Variants in CDH4 observed in about 807,000 individuals in gnomAD.
CDH4 encodes cadherin 4.
A neutral mutation model predicts 86.0 loss-of-function variants in CDH4; 33 were observed. That is an observed-to-expected ratio of 0.38 (90% CI 0.29 to 0.51). The LOEUF (loss-of-function observed/expected upper bound fraction) is 0.51, where lower values mean the gene tolerates loss of function less well. Among genes scored for constraint, CDH4 ranks in the 20% least tolerant of loss-of-function variants. CDH4 has a pLI of 0.86. For missense variants in CDH4, 1,114 were observed against 1,307.4 expected (o/e 0.85, Z 2.28); for synonymous variants, 555 against 549.4 (o/e 1.01, Z -0.14).
intron 2 of CDH4, among the ~76,000 whole-genome samples, chr20:61,353,385 G>T (rs2123304454): frequency 6.6e-6 from 1 of 152,176 alleles, no homozygotes; most frequent in South Asian, 2.1e-4. Context: ...CCAGCGATGT[G>T]CCAAGCCTTC....
chr20:61,690,673 A>C (rs1431149195), intron 2 of CDH4, among the ~76,000 whole-genome samples: 2 of 152,012 alleles, frequency 1.3e-5, no homozygotes. Flanking sequence ...ACCTGGCAGA[A>C]TGAGAGGAGG....
intron 2 of CDH4, among the ~76,000 whole-genome samples, chr20:61,682,421 A>AGGAT (rs1332030981): frequency 8.6e-6 from 1 of 116,312 alleles, no homozygotes; most frequent in African/African-American, 3.3e-5. Context: ...GACAGATGGA[A>AGGAT]GGATGGATGG....
chr20:61,773,325 T>C (rs2088800506), intron 4 of CDH4, 143 bp downstream of exon 4: 6 of 793,302 alleles, frequency 7.6e-6, no homozygotes, highest in African/African-American at 3.5e-5. Context: ...GAGATAAGCC[T>C]TACACAGCGC....
intron 7 of CDH4, among the ~76,000 whole-genome samples, chr20:61,875,974 T>C (rs547510144): frequency 6.6e-6 from 1 of 152,262 alleles, no homozygotes; most frequent in South Asian, 2.1e-4. Context: ...GCAGCTCGTT[T>C]CCACAGGCTG....
intron 3 of CDH4, among the ~76,000 whole-genome samples, chr20:61,752,548 G>A (rs1472534306): frequency 6.6e-6 from 1 of 152,082 alleles, no homozygotes; most frequent in Non-Finnish European, 1.5e-5. Flanking sequence ...AGTATAGGCA[G>A]GTAATACCAA....
intron 2 of CDH4, among the ~76,000 whole-genome samples, chr20:61,276,309 A>G (rs1568778163): frequency 6.6e-6 from 1 of 152,200 alleles, no homozygotes; most frequent in Non-Finnish European, 1.5e-5. Flanking sequence ...GCACTTTCAA[A>G]CTCAACATAT....
rs144940669 is a variant in CDH4, at chr20:61,355,209, G to A, written c.169+100272G>A. ...CTGAACAAACCTGCCCTGGAGAATTGAAGTCCTTGAAAAAAGCTCTGAGTC... is the reference window on the plus strand; with the variant it reads ...CTGAACAAACCTGCCCTGGAGAATTAAAGTCCTTGAAAAAAGCTCTGAGTC... On this transcript the variant is annotated intron_variant, in intron 2 of 15. Transcript: ENST00000614565. 7.6e-3 allele frequency among the ~76,000 whole-genome samples: 1,162 copies of A among 152,282 alleles called. 21 individuals are homozygous for A. Among genetic ancestry groups the A allele is most frequent in the South Asian group, 0.057 (275 of 4,820 alleles).
intron 2 of CDH4, among the ~76,000 whole-genome samples, chr20:61,492,196 T>G (rs556312365): frequency 1.4e-4 from 21 of 151,802 alleles, no homozygotes; most frequent in African/African-American, 4.1e-4. Context: ...GGTGTTGATA[T>G]TGTTGATATT....
chr20:61,796,595 T>C (rs1413243152), intron 4 of CDH4, among the ~76,000 whole-genome samples: 3 of 152,170 alleles, frequency 2.0e-5, no homozygotes, highest in Non-Finnish European at 4.4e-5. Context: ...ACCAAAGGAT[T>C]TGATTATTTC....
At chr20:61,325,348 T>C (rs1017068752) in intron 2 of CDH4, among the ~76,000 whole-genome samples, 11 of 152,230 alleles carry the variant, frequency 7.2e-5, no homozygotes, top group Admixed American at 2.6e-4. Context: ...AAGGTATCTT[T>C]CTCTTTCTGG....
chr20:61,766,994 A>G (rs1434579276), intron 3 of CDH4, among the ~76,000 whole-genome samples: 7 of 152,232 alleles, frequency 4.6e-5, no homozygotes, highest in Admixed American at 1.3e-4. Context: ...ATGGTGGGCC[A>G]CAGGTCAGAC....
chr20:61,397,156 C>T (rs944977170), intron 2 of CDH4, among the ~76,000 whole-genome samples: 2 of 152,144 alleles, frequency 1.3e-5, no homozygotes, highest in Non-Finnish European at 2.9e-5. Context: ...GCAATCCACC[C>T]GCTTCAGCCT....
In CDH4 at chr20:61,850,956, C is replaced by G. The variant is rs2146110667; in HGVS notation, c.733-1798C>G. 2.0e-5 allele frequency among the ~76,000 whole-genome samples: 3 copies of G among 152,352 alleles called. No individual in the cohort carries two copies. In the South Asian group the frequency reaches 6.2e-4, roughly 32 times the overall value. On this transcript the variant is annotated intron_variant, in intron 5 of 15. Coordinates refer to ENST00000614565, the MANE Select transcript of CDH4 (RefSeq NM_001794.5). ...GCTGCTCCCGCTGCTACAGATAGCG[C>G]CTGAAACTGCTTTAGTTAGGAGATA...
chr20:61,353,671 C>A (rs2084728255), intron 2 of CDH4, among the ~76,000 whole-genome samples: 1 of 61,240 alleles, frequency 1.6e-5, no homozygotes, highest in Non-Finnish European at 3.5e-5. Flanking sequence ...CCTCCTCTTC[C>A]CCCTCCTCCT....
chr20:61,289,395 C>T (rs2084310154), intron 2 of CDH4, among the ~76,000 whole-genome samples: 1 of 152,260 alleles, frequency 6.6e-6, no homozygotes. Flanking sequence ...CTGAAGCCCT[C>T]TCTTCTCTGG....
intron 2 of CDH4, among the ~76,000 whole-genome samples, chr20:61,428,217 C>T (rs535358811): frequency 7.2e-5 from 11 of 152,240 alleles, no homozygotes; most frequent in Admixed American, 3.3e-4. Flanking sequence ...TACCAAGTGT[C>T]GACAGAAACA....
chr20:61,519,974 C>T lies in CDH4; in HGVS notation c.170-223589C>T, dbSNP rs1221346323. On this transcript the variant is annotated intron_variant, in intron 2 of 15. Coordinates refer to ENST00000614565, the MANE Select transcript of CDH4 (RefSeq NM_001794.5). ...CACATGGGCCCTGTTCCCCGAAAGG[C>T]TCAGATCCATTGTATGAGATTCCCC... Among the ~76,000 whole-genome samples, 10 of 152,230 alleles carry T rather than the reference C, an allele frequency of 6.6e-5. 1 individual carries two copies. Among genetic ancestry groups the T allele is most frequent in the Admixed American group, 6.5e-4 (10 of 15,284 alleles).
chr20:61,472,689 A>G (rs2085511758), intron 2 of CDH4, among the ~76,000 whole-genome samples: 3 of 152,312 alleles, frequency 2.0e-5, no homozygotes, highest in Admixed American at 2.0e-4. Context: ...GAATAACTGC[A>G]TAGTTTTGAT....
At position 61,933,038 on chromosome 20, in the gene CDH4, A is replaced by G; in HGVS notation, c.2293A>G (p.Thr765Ala). 6.2e-7 allele frequency: 1 copy of G among 1,613,310 alleles called. No homozygotes were observed. Among genetic ancestry groups the G allele is most frequent in the Non-Finnish European group, 8.5e-7 (1 of 1,180,016 alleles). Residue 765 changes from threonine to alanine, a missense_variant, in exon 14 of 16, where the codon ACG becomes GCG. Around this residue, in one of 3 missense-constraint regions of CDH4, gnomAD observed 705 missense variants for 914.1 expected, o/e 0.77. Coordinates refer to ENST00000614565, the MANE Select transcript of CDH4 (RefSeq NM_001794.5). ...GAAGCGGCGAGAGAAGGAGCGCCAC[A>G]CGAAGCAGCTGCTCATTGACCCCGA... ...WMKRREKERHTKQLLIDPEDD... is the reference protein window; with the variant it reads ...WMKRREKERHAKQLLIDPEDD...
Sources: gnomAD v4.1 joint callset for allele counts (sites outside exome capture counted in the v4.1 genomes callset) on GRCh38, gnomAD v4.1.1 for gene constraint, gnomAD v4.1.1 regional missense constraint, MANE v1.5 for transcripts, NCBI Gene and HGNC (gene_info 2026-07-23, HGNC 2026-07-21) for gene names.